SULF1: variants seen among roughly 807,000 people sequenced by gnomAD.
The protein encoded by SULF1 is sulfatase 1.
SULF1 carries 46 observed loss-of-function variants against 110.5 expected under a neutral mutation model. That is an observed-to-expected ratio of 0.42 (90% CI 0.33 to 0.53). The LOEUF (loss-of-function observed/expected upper bound fraction) is 0.53. Ranked by LOEUF, SULF1 falls within the 20% of genes least tolerant of loss-of-function variation. The pLI is 0.12. For synonymous variants in SULF1, 371 were observed against 387.1 expected, an observed-to-expected ratio of 0.96 and a Z score of 0.49; for missense variants, 941 against 1,094.2, an observed-to-expected ratio of 0.86 and a Z score of 1.98.
At chr8:69,637,082 G>A (rs1337313282) in intron 19 of SULF1, among the ~76,000 whole-genome samples, 3 of 152,170 alleles carry the variant, frequency 2.0e-5, no homozygotes, top group East Asian at 3.8e-4. Flanking sequence ...ACTTCAAAAC[G>A]ACAATATTTT....
intron 3 of SULF1, among the ~76,000 whole-genome samples, chr8:69,533,360 C>A (rs1813230999): frequency 6.6e-6 from 1 of 152,134 alleles, no homozygotes; most frequent in South Asian, 2.1e-4. Context: ...AGGTATTAAG[C>A]CCTGCAATGC....
intron 13 of SULF1, 144 bp downstream of exon 13, chr8:69,605,076 C>G: frequency 1.8e-6 from 2 of 1,139,408 alleles, no homozygotes; most frequent in Non-Finnish European, 2.4e-6. Flanking sequence ...TGAGACACCT[C>G]TCCGCGGACA....
intron 22 of SULF1, among the ~76,000 whole-genome samples, chr8:69,655,925 T>C (rs1017775298): frequency 1.3e-5 from 2 of 152,264 alleles, no homozygotes; most frequent in African/African-American, 4.8e-5. Context: ...ATCCTAGATC[T>C]GATAAATCTA....
intron 3 of SULF1, among the ~76,000 whole-genome samples, chr8:69,553,406 C>T (rs977514408): frequency 6.6e-6 from 1 of 152,120 alleles, no homozygotes. Flanking sequence ...TCAGAGAGAA[C>T]CAGCAAATTA....
intron 1 of SULF1, among the ~76,000 whole-genome samples, chr8:69,480,032 C>A (rs1467690183): frequency 6.6e-6 from 1 of 151,562 alleles, no homozygotes; most frequent in Admixed American, 6.6e-5. Flanking sequence ...CAGATGTACT[C>A]CTTATGGAAA....
In SULF1 at chr8:69,638,498, A is replaced by T; in HGVS notation, c.2285-4A>T. 6.2e-7 allele frequency: 1 copy of T among 1,610,318 alleles called. No homozygotes were observed. The highest frequency in any genetic ancestry group is 1.1e-5 in the South Asian group (1 of 89,692). On this transcript the variant is annotated splice_region_variant and splice_polypyrimidine_tract_variant and intron_variant, in intron 19 of 22. Transcript: ENST00000402687. ...TTGTTGTGTTTTTCTTTTTTACCCAACAGTGGGATCTTTCTGTGCTTGCAC... is the reference window on the plus strand; with the variant it reads ...TTGTTGTGTTTTTCTTTTTTACCCATCAGTGGGATCTTTCTGTGCTTGCAC...
intron 3 of SULF1, among the ~76,000 whole-genome samples, chr8:69,557,573 C>T (rs1395225359): frequency 6.6e-6 from 1 of 152,176 alleles, no homozygotes; most frequent in Non-Finnish European, 1.5e-5. Context: ...CTATTTTCTT[C>T]CTCCCTGAGA....
chr8:69,509,687 C>G (rs917507194), intron 3 of SULF1, among the ~76,000 whole-genome samples: 5 of 152,188 alleles, frequency 3.3e-5, no homozygotes, highest in Non-Finnish European at 5.9e-5. Flanking sequence ...AATGACATCC[C>G]TCTGCTCACT....
intron 21 of SULF1, among the ~76,000 whole-genome samples, chr8:69,639,367 G>A (rs1255485659): frequency 1.3e-5 from 2 of 152,142 alleles, no homozygotes; most frequent in African/African-American, 4.8e-5. Flanking sequence ...AGAGATATTG[G>A]AGCAGTTCAT....
intron 5 of SULF1, among the ~76,000 whole-genome samples, chr8:69,567,541 T>C (rs766896102): frequency 6.6e-6 from 1 of 152,230 alleles, no homozygotes; most frequent in Non-Finnish European, 1.5e-5. Context: ...TCTGTCTCTG[T>C]GGATTTGACT....
rs1003219117 is a variant in SULF1 at position 69,507,109 on chromosome 8, G to A, written c.-134+5141G>A. ...ACCATCATTTGTTTCAGATCACCAT[G>A]CCACAGTTTAGGATAGAAAAAGTGT... On this transcript the variant is annotated intron_variant, in intron 3 of 22. Transcript: ENST00000402687. Among the ~76,000 whole-genome samples the A allele has an allele frequency of 3.3e-5, 5 of 152,194 alleles. No individual in the cohort carries two copies. The East Asian group carries it at 9.6e-4, about 29-fold the overall frequency.
chr8:69,635,422 C>T (rs1046714707), intron 19 of SULF1, among the ~76,000 whole-genome samples: 9 of 152,204 alleles, frequency 5.9e-5, no homozygotes, highest in African/African-American at 1.9e-4. Flanking sequence ...AATAAGAATG[C>T]TCTGTACTTT....
intron 3 of SULF1, among the ~76,000 whole-genome samples, chr8:69,505,717 T>C (rs1811138543): frequency 6.6e-6 from 1 of 152,140 alleles, no homozygotes; most frequent in African/African-American, 2.4e-5. Flanking sequence ...TAATTTGTCT[T>C]GCTGCAGAAT....
At chr8:69,616,641 A>G (rs1457170847) in intron 13 of SULF1, among the ~76,000 whole-genome samples, 1 of 150,280 alleles carries the variant, frequency 6.7e-6, no homozygotes, top group Non-Finnish European at 1.5e-5. Context: ...TCCTCAGGCA[A>G]TTCACCTGCC....
chr8:69,522,714 A>G (rs1812392020), intron 3 of SULF1, among the ~76,000 whole-genome samples: 1 of 152,160 alleles, frequency 6.6e-6, no homozygotes, highest in Non-Finnish European at 1.5e-5. Context: ...TGGGTGGAGG[A>G]GTTTTGGGTG....
At chr8:69,619,883 T>A (rs146652727) in intron 13 of SULF1, among the ~76,000 whole-genome samples, 117 of 152,310 alleles carry the variant, frequency 7.7e-4, no homozygotes, top group East Asian at 2.7e-3. Context: ...AGTGTTACAA[T>A]GCTCTTTTAG....
intron 13 of SULF1, among the ~76,000 whole-genome samples, chr8:69,615,262 T>C (rs964161865): frequency 6.6e-6 from 1 of 152,270 alleles, no homozygotes; most frequent in African/African-American, 2.4e-5. Flanking sequence ...AGAGCAATTC[T>C]TTTAAAAATT....
At chr8:69,617,431 A>T (rs1809264684) in intron 13 of SULF1, among the ~76,000 whole-genome samples, 2 of 39,692 alleles carry the variant, frequency 5.0e-5, no homozygotes, top group Non-Finnish European at 9.5e-5. Flanking sequence ...ATATATATAT[A>T]TATGTTTTTT....
chr8:69,630,223 G>A (rs1267780492), intron 19 of SULF1, among the ~76,000 whole-genome samples: 1 of 152,174 alleles, frequency 6.6e-6, no homozygotes, highest in African/African-American at 2.4e-5. Flanking sequence ...TAAGGATATG[G>A]CATAATAACA....
Sources: gnomAD v4.1 joint callset for allele counts (sites outside exome capture counted in the v4.1 genomes callset) on GRCh38, gnomAD v4.1.1 for gene constraint, MANE v1.5 for transcripts, NCBI Gene and HGNC (gene_info 2026-07-23, HGNC 2026-07-21) for gene names.